The following ARHGAP18 variants were observed in gnomAD, a reference collection of about 807,000 sequenced individuals.
The protein encoded by ARHGAP18 is rho GTPase-activating protein 18.
In ARHGAP18, 67 loss-of-function variants were observed where a neutral mutation model predicts 86.2. The ratio of observed to expected loss-of-function variants is 0.78; its 90% CI spans 0.64 to 0.95. The LOEUF is 0.95. Among genes scored for constraint, ARHGAP18 ranks in the 40% least tolerant of loss-of-function variants. The pLI is 0.00. For synonymous variants in ARHGAP18, 283 were observed against 280.4 expected, an observed-to-expected ratio of 1.01 and a Z score of -0.09; for missense variants, 691 against 780.4, an observed-to-expected ratio of 0.89 and a Z score of 1.37.
chr6:129,590,554 A>C (rs1379233750), intron 12 of ARHGAP18, among the ~76,000 whole-genome samples: 1 of 152,208 alleles, frequency 6.6e-6, no homozygotes, highest in Non-Finnish European at 1.5e-5. Context: ...CTATGAAATA[A>C]AAACATTTCC....
Position 129,638,496 on chromosome 6 carries a change from C to T in ARHGAP18, c.450G>A (p.Lys150=), listed in dbSNP as rs1280946288. 1 of 1,614,138 alleles carries T rather than the reference C, an allele frequency of 6.2e-7. No homozygotes were observed. The highest frequency in any genetic ancestry group is 2.2e-5 in the East Asian group (1 of 44,882). ...LTRTQAAAVQ[K]RVETVSQTLR... ...AGGTCTGGGAGACCGTCTCTACTCG[C>T]TTCTGAACTGCTGCTGCCTGGGTCC... is the stretch of plus-strand genomic sequence containing the variant. Residue 150 remains lysine, a synonymous_variant, in exon 3 of 15, where the codon AAG becomes AAA. Transcript: ENST00000368149.
At chr6:129,704,380 G>A (rs1392655428) in intron 1 of ARHGAP18, among the ~76,000 whole-genome samples, 3 of 152,026 alleles carry the variant, frequency 2.0e-5, no homozygotes, top group African/African-American at 7.3e-5. Context: ...GGGAGGTGGA[G>A]GCTGCAGTGT....
At chr6:129,705,509 GGAT>G (rs1248737186) in intron 1 of ARHGAP18, among the ~76,000 whole-genome samples, 8 of 152,146 alleles carry the variant, frequency 5.3e-5, no homozygotes, top group African/African-American at 1.4e-4. Flanking sequence ...CTATGGATCA[GGAT>G]GATATTTCCA....
At chr6:129,580,650 G>A (rs1584017326) in intron 13 of ARHGAP18, among the ~76,000 whole-genome samples, 2 of 152,260 alleles carry the variant, frequency 1.3e-5, no homozygotes, top group South Asian at 4.1e-4. Context: ...ACTTTGGGAG[G>A]CCAAAGCAGG....
rs190152808 is a variant in ARHGAP18, at chr6:129,624,804, G to T, written c.786+4549C>A. Among the ~76,000 whole-genome samples the T allele has an allele frequency of 1.3e-5, 2 of 150,888 alleles. 1 individual carries two copies. Among genetic ancestry groups the T allele is most frequent in the East Asian group, 3.9e-4 (2 of 5,126 alleles). On this transcript the variant is annotated intron_variant, in intron 5 of 14. Transcript: ENST00000368149. ...TACCAAAAATACAAAAATCAGCCGG[G>T]CGTGGTGGTGGGCACCTATAATCCC...
At chr6:129,677,676 G>A (rs1206158640) in intron 1 of ARHGAP18, among the ~76,000 whole-genome samples, 2 of 152,214 alleles carry the variant, frequency 1.3e-5, no homozygotes, top group Admixed American at 1.3e-4. Flanking sequence ...AATGAAAGAC[G>A]TAAAATAACA....
At position 129,591,318 on chromosome 6, in the gene ARHGAP18, C is replaced by T. The variant is rs75863373; in HGVS notation, c.1714-7206G>A. On this transcript the variant is annotated intron_variant, in intron 12 of 14. Transcript: ENST00000368149. ...CACATGTTTTAATCTAAAATTGTCACTCTGTCTCCTGCTTTTTTTTCCCAT... is the reference window on the plus strand; with the variant it reads ...CACATGTTTTAATCTAAAATTGTCATTCTGTCTCCTGCTTTTTTTTCCCAT... Among the ~76,000 whole-genome samples the T allele has an allele frequency of 6.6e-5, 10 of 152,236 alleles. No homozygotes were observed. The East Asian group carries it at 1.9e-3, about 29-fold the overall frequency.
chr6:129,692,725 G>A (rs745483399), intron 1 of ARHGAP18, among the ~76,000 whole-genome samples: 6 of 152,172 alleles, frequency 3.9e-5, no homozygotes, highest in Non-Finnish European at 7.3e-5. Flanking sequence ...TATAAAACAG[G>A]TCTAGGTTTA....
chr6:129,628,881 A>G (rs1773106340), intron 5 of ARHGAP18, among the ~76,000 whole-genome samples: 1 of 152,140 alleles, frequency 6.6e-6, no homozygotes, highest in South Asian at 2.1e-4. Flanking sequence ...TTTTGATATG[A>G]CTGTATATTA....
intron 1 of ARHGAP18, among the ~76,000 whole-genome samples, chr6:129,691,584 G>A (rs898609915): frequency 5.3e-5 from 8 of 152,146 alleles, no homozygotes; most frequent in African/African-American, 1.9e-4. Context: ...AGTTTTGTAA[G>A]TGACATTCTG....
At chr6:129,686,988 T>TC (rs1302368780) in intron 1 of ARHGAP18, among the ~76,000 whole-genome samples, 4 of 146,220 alleles carry the variant, frequency 2.7e-5, no homozygotes, top group African/African-American at 5.0e-5. Context: ...CTTTTTTTTT[T>TC]TTTTTTTTGT....
At chr6:129,665,048 C>A (rs968933640) in intron 1 of ARHGAP18, among the ~76,000 whole-genome samples, 1 of 152,126 alleles carries the variant, frequency 6.6e-6, no homozygotes, top group South Asian at 2.1e-4. Context: ...TCTGACAGAG[C>A]CTTTAGCACT....
rs144903212 is a variant in ARHGAP18 at position 129,590,657 on chromosome 6, G to T, written c.1714-6545C>A. Among the ~76,000 whole-genome samples, 291 of 152,278 alleles carry T rather than the reference G, an allele frequency of 1.9e-3. 1 individual carries two copies. Among genetic ancestry groups the T allele is most frequent in the African/African-American group, 6.8e-3 (284 of 41,544 alleles). On this transcript the variant is annotated intron_variant, in intron 12 of 14. Transcript: ENST00000368149. Reference sequence around the variant, plus strand: ...CCAAGCTACAAACGGTAGTCATTTTGACTCATTTCACAAAGAGCTGGAATA... The same window carrying T: ...CCAAGCTACAAACGGTAGTCATTTTTACTCATTTCACAAAGAGCTGGAATA...
chr6:129,648,733 GA>G (rs139629350), intron 1 of ARHGAP18, among the ~76,000 whole-genome samples: 35,432 of 150,782 alleles, frequency 0.23, 4,782 homozygotes, highest in African/African-American at 0.38. Flanking sequence ...CTCTATGTTA[GA>G]AAAAAAAAGC....
At chr6:129,663,927 G>C (rs867012260) in intron 1 of ARHGAP18, among the ~76,000 whole-genome samples, 33 of 152,340 alleles carry the variant, frequency 2.2e-4, no homozygotes, top group Middle Eastern at 3.4e-3. Flanking sequence ...TGGCCAGCAG[G>C]GTGTTTCAAA....
At chr6:129,679,107 A>C (rs1329796570) in intron 1 of ARHGAP18, among the ~76,000 whole-genome samples, 2 of 152,298 alleles carry the variant, frequency 1.3e-5, no homozygotes, top group East Asian at 3.9e-4. Flanking sequence ...CATAGGATCC[A>C]TTTGGGTTTT....
At chr6:129,625,051 TG>T in intron 5 of ARHGAP18, among the ~76,000 whole-genome samples, 1 of 78,752 alleles carries the variant, frequency 1.3e-5, no homozygotes, top group African/African-American at 5.3e-5. Flanking sequence ...ATAATATATA[TG>T]ATTGATATAT....
chr6:129,626,103 C>CAT (rs1385190649), intron 5 of ARHGAP18, among the ~76,000 whole-genome samples: 22 of 91,904 alleles, frequency 2.4e-4, no homozygotes, highest in East Asian at 2.0e-3. Flanking sequence ...CACACACACA[C>CAT]ACATATATAG....
At chr6:129,609,085 A>T (rs980044136) in intron 8 of ARHGAP18, among the ~76,000 whole-genome samples, 1 of 140,736 alleles carries the variant, frequency 7.1e-6, no homozygotes, top group Non-Finnish European at 1.6e-5. Flanking sequence ...GAGAGGGGGC[A>T]TGGAGGGAAA....
Sources: allele counts gnomAD v4.1 joint callset (sites outside exome capture counted in the v4.1 genomes callset), GRCh38; gene constraint gnomAD v4.1.1; transcripts MANE v1.5; gene names NCBI Gene and HGNC (gene_info 2026-07-23, HGNC 2026-07-21).